Variants in EIF4A1 observed in about 807,000 individuals in gnomAD.
EIF4A1 encodes the protein eukaryotic initiation factor 4A-I.
A neutral mutation model predicts 53.5 loss-of-function variants in EIF4A1; 11 were observed. The ratio of observed to expected loss-of-function variants is 0.21; its 90% confidence interval spans 0.13 to 0.34. The LOEUF is 0.34. Among genes scored for constraint, EIF4A1 ranks in the 10% least tolerant of loss-of-function variants. The probability of loss-of-function intolerance (pLI) is 1.00; values close to 1 mark genes in which losing one functional copy is unlikely to be tolerated. For synonymous variants in EIF4A1, 237 were observed against 186.7 expected, an observed-to-expected ratio of 1.27 and a Z score of -2.20; for missense variants, 213 against 530.8, an observed-to-expected ratio of 0.40 and a Z score of 5.88.
chr17:7,574,906 C>G, intron 3 of EIF4A1: 3 of 1,022,596 alleles, frequency 2.9e-6, no homozygotes, highest in East Asian at 2.4e-5. Flanking sequence ...AGCCATGTTT[C>G]TAGTCCAGCT....
chr17:7,572,835 A>G lies in EIF4A1; in HGVS notation c.-7A>G, dbSNP rs375971877. ...AGGCGGGCACTCCGCCCTAGTTTCTAAGGATCATGTCTGCGAGCCAGGATT... is the reference window on the plus strand; with the variant it reads ...AGGCGGGCACTCCGCCCTAGTTTCTGAGGATCATGTCTGCGAGCCAGGATT... On this transcript the variant is annotated 5_prime_UTR_variant, in exon 1 of 11. Transcript: ENST00000293831. 54 of 1,614,034 alleles carry G rather than the reference A, an allele frequency of 3.3e-5. No individual in the cohort carries two copies. Among genetic ancestry groups the G allele is most frequent in the Non-Finnish European group, 3.8e-5 (45 of 1,179,976 alleles).
chr17:7,578,268 C>A lies in EIF4A1; in HGVS notation c.1076+24C>A, dbSNP rs763044768. 8.1e-6 allele frequency: 13 copies of A among 1,614,152 alleles called. No individual in the cohort carries two copies. In the South Asian group the frequency reaches 1.4e-4, roughly 18 times the overall value. ...AGGTAAGCGTAGATCTGGAACACTCCCCTACCCCTTCACACCTGGCCCTCC... is the reference window on the plus strand; with the variant it reads ...AGGTAAGCGTAGATCTGGAACACTCACCTACCCCTTCACACCTGGCCCTCC... On this transcript the variant is annotated intron_variant, in intron 10 of 10. Transcript: ENST00000293831.
In EIF4A1 at chr17:7,577,109, C is replaced by T. The variant is rs2150926883; in HGVS notation, c.568C>T (p.Arg190Cys). Residue 190 changes from arginine to cysteine, a missense_variant, in exon 6 of 11, where the codon CGT becomes TGT. This residue lies in a region of EIF4A1 where 119 missense variants were observed against 351.0 expected (regional missense o/e 0.34). Transcript: ENST00000293831. This position sits in a 1 kb window ranked among gnomAD's most constrained non-coding sequence, Gnocchi z 4.7. ...VLDEADEMLS[R>C]GFKDQIYDIF... ...GGATGAAGCTGACGAAATGTTAAGCCGTGGATTCAAGGACCAGATCTATGA... is the reference window on the plus strand; with the variant it reads ...GGATGAAGCTGACGAAATGTTAAGCTGTGGATTCAAGGACCAGATCTATGA... 3 of 1,611,892 alleles carry T rather than the reference C, an allele frequency of 1.9e-6. No individual in the cohort carries two copies. Among genetic ancestry groups the T allele is most frequent in the South Asian group, 2.2e-5 (2 of 90,382 alleles).
Position 7,578,693 on chromosome 17 carries a change from C to G in EIF4A1, c.*207C>G. 2.8e-6 allele frequency: 1 copy of G among 354,000 alleles called. No individual in the cohort carries two copies. Among genetic ancestry groups the G allele is most frequent in the Non-Finnish European group, 4.9e-6 (1 of 203,944 alleles). 21.9% of individuals were successfully genotyped at this position (354,000 alleles called of 1,614,324 possible). A position where few individuals can be genotyped will look rare whatever the true frequency, so the allele number is the denominator to read the frequency against. Reference sequence around the variant, plus strand: ...TAGGCTCTTGCCCCAGGCGCCGGCTCTTCTCCCAAAAAAAAAAAAAAAACA... The same window carrying G: ...TAGGCTCTTGCCCCAGGCGCCGGCTGTTCTCCCAAAAAAAAAAAAAAAACA... On this transcript the variant is annotated 3_prime_UTR_variant, in exon 11 of 11. Transcript: ENST00000293831.
chr17:7,574,410 G>A, intron 2 of EIF4A1, 102 bp downstream of exon 2: 1 of 1,606,074 alleles, frequency 6.2e-7, no homozygotes, highest in Non-Finnish European at 8.5e-7. Context: ...TCTAGAAGCA[G>A]CTGGTTTCCC....
At chr17:7,574,863 G>T (rs1487062781) in intron 3 of EIF4A1, 185 bp downstream of exon 3, 9 of 1,151,432 alleles carry the variant, frequency 7.8e-6, no homozygotes, top group Non-Finnish European at 1.2e-5. Flanking sequence ...CTTTAAAGAG[G>T]TGGTATTGTA....
chr17:7,574,858 A>AAG, intron 3 of EIF4A1, 180 bp downstream of exon 3: 1 of 1,166,026 alleles, frequency 8.6e-7, no homozygotes, highest in South Asian at 1.2e-5. Flanking sequence ...GTTTCCTTTA[A>AAG]AGAGGTGGTA....
At chr17:7,574,180 A>G (rs191581525) in intron 1 of EIF4A1, 80 bp from the exon 2 acceptor site, 38 of 1,556,430 alleles carry the variant, frequency 2.4e-5, no homozygotes, top group Non-Finnish European at 3.2e-5. Flanking sequence ...CATGCAGGCC[A>G]CTCCTGACAG....
Position 7,578,813 on chromosome 17 carries a change from C to A in EIF4A1, c.*327C>A. On this transcript the variant is annotated 3_prime_UTR_variant, in exon 11 of 11. Transcript: ENST00000293831. The stretch of plus-strand genomic sequence containing the variant: ...GAAAGTGATTCAAGGGACTATGTCA[C>A]TCAGCCTCATTTGCTGGACCAAATC... 1 of 195,816 alleles carries A rather than the reference C, an allele frequency of 5.1e-6. No homozygotes were observed. Among genetic ancestry groups the A allele is most frequent in the East Asian group, 1.3e-4 (1 of 7,874 alleles). 12.1% of individuals were successfully genotyped at this position (195,816 alleles called of 1,614,324 possible). A position where few individuals can be genotyped will look rare whatever the true frequency, so the allele number is the denominator to read the frequency against.
intron 4 of EIF4A1, 139 bp downstream of exon 4, chr17:7,575,397 A>T (rs762224205): frequency 7.1e-5 from 87 of 1,233,146 alleles, no homozygotes; most frequent in Non-Finnish European, 9.9e-5. Context: ...CTGCTGGGTT[A>T]ATTAAAAGCT....
rs1304314696 is a variant in EIF4A1, at chr17:7,577,799, TCTG to T, written c.907-23_907-21del. ...TCCTGGAACCCAGGTGCCTACCTGG[TCTG>T]CTGCATATTTGTTTTCTCTTCCAGC... On this transcript the variant is annotated intron_variant, in intron 8 of 10. Transcript: ENST00000293831. This position sits in a 1 kb window ranked among gnomAD's most constrained non-coding sequence, Gnocchi z 4.7. The T allele has an allele frequency of 1.9e-6, 3 of 1,614,152 alleles. No homozygotes were observed. Among genetic ancestry groups the T allele is most frequent in the Non-Finnish European group, 2.5e-6 (3 of 1,180,030 alleles).
rs1241512815 is a variant in EIF4A1 at position 7,574,644 on chromosome 17, C to T, written c.171C>T (p.Ala57=). The change falls in exon 3 of 11, where the codon GCC becomes GCT. Residue 57 remains alanine (A), a synonymous_variant. Coordinates refer to ENST00000293831, the MANE Select transcript of EIF4A1 (RefSeq NM_001416.4). ...CGTATGGTTTTGAGAAGCCCTCTGC[C>T]ATCCAGCAGCGAGCCATTCTACCTT... The part of the protein sequence containing the change: ...IYAYGFEKPS[A]IQQRAILPCI... 1 of 1,612,376 alleles carries T rather than the reference C, an allele frequency of 6.2e-7. No homozygotes were observed. The highest frequency in any genetic ancestry group is 8.5e-7 in the Non-Finnish European group (1 of 1,180,028).
chr17:7,577,135 C>T lies in EIF4A1; in HGVS notation c.594C>T (p.Asp198=). The T allele has an allele frequency of 6.2e-7, 1 of 1,604,050 alleles. No individual in the cohort carries two copies. The highest frequency in any genetic ancestry group is 1.1e-5 in the South Asian group (1 of 88,788). The change falls in exon 6 of 11, where the codon GAC becomes GAT. Residue 198 remains aspartate, a synonymous_variant. Coordinates refer to ENST00000293831, the MANE Select transcript of EIF4A1 (RefSeq NM_001416.4). This position sits in a 1 kb window ranked among gnomAD's most constrained non-coding sequence, Gnocchi z 4.7. ...GTGGATTCAAGGACCAGATCTATGACATATTCCAAAAGCTCAACAGCAACA... is the reference window on the plus strand; with the variant it reads ...GTGGATTCAAGGACCAGATCTATGATATATTCCAAAAGCTCAACAGCAACA... ...LSRGFKDQIY[D]IFQKLNSNTQ...
At chr17:7,573,999 C>G (rs1015078718) in intron 1 of EIF4A1, 48 of 503,140 alleles carry the variant, frequency 9.5e-5, no homozygotes, top group Admixed American at 1.4e-4. Flanking sequence ...GTGAGCGCGG[C>G]GGCACGCCTG....
At chr17:7,575,365 G>T in intron 4 of EIF4A1, 107 bp downstream of exon 4, 1 of 1,524,738 alleles carries the variant, frequency 6.6e-7, no homozygotes, top group East Asian at 2.3e-5. Flanking sequence ...GGAAGACATG[G>T]GTGCCCTAAC....
rs1164710289 is a variant in EIF4A1 at position 7,578,537 on chromosome 17, A to AG, written c.*53dup. The AG allele has an allele frequency of 1.1e-5, 16 of 1,502,952 alleles. No individual in the cohort carries two copies. The highest frequency in any genetic ancestry group is 1.4e-5 in the African/African-American group (1 of 71,682). 93.1% of individuals were successfully genotyped at this position (1,502,952 alleles called of 1,614,324 possible). ...GCCAGGGCTCAATCTCTGGGGGCTGAGGAGCAGCAGGAGGGGGGAGGGAAG... is the reference window on the plus strand; with the variant it reads ...GCCAGGGCTCAATCTCTGGGGGCTGAGGGAGCAGCAGGAGGGGGGAGGGAAG... On this transcript the variant is annotated 3_prime_UTR_variant, in exon 11 of 11. Transcript: ENST00000293831.
Position 7,572,875 on chromosome 17 carries a change from C to A in EIF4A1, c.23+11C>A, listed in dbSNP as rs765796609. 2 of 1,614,054 alleles carry A rather than the reference C, an allele frequency of 1.2e-6. No homozygotes were observed. Among genetic ancestry groups the A allele is most frequent in the East Asian group, 2.2e-5 (1 of 44,890 alleles). On this transcript the variant is annotated intron_variant, in intron 1 of 10. Coordinates refer to ENST00000293831, the MANE Select transcript of EIF4A1 (RefSeq NM_001416.4). Reference sequence around the variant, plus strand: ...GAGCCAGGATTCCCGGTAAGAAAGGCATTTGCAAGAGATTGTGGCTGCTTA... The same window carrying A: ...GAGCCAGGATTCCCGGTAAGAAAGGAATTTGCAAGAGATTGTGGCTGCTTA...
intron 9 of EIF4A1, 33 bp from the exon 10 acceptor site, chr17:7,578,132 G>C (rs761971743): frequency 1.9e-6 from 3 of 1,613,838 alleles, no homozygotes; most frequent in African/African-American, 2.7e-5. Context: ...TGTCCTCCGT[G>C]CACATGCTGA....
At chr17:7,573,413 C>T (rs988479377) in intron 1 of EIF4A1, 7 of 155,934 alleles carry the variant, frequency 4.5e-5, no homozygotes, top group Non-Finnish European at 1.0e-4. Flanking sequence ...TGAGCCTAAC[C>T]CCGAGGAGCG....
Sources: allele counts gnomAD v4.1 joint callset, GRCh38; gene constraint gnomAD v4.1.1; regional missense constraint gnomAD v4.1.1; non-coding constraint Gnocchi (gnomAD v3.1); transcripts MANE v1.5; gene names NCBI Gene and HGNC (gene_info 2026-07-23, HGNC 2026-07-21).